Variants in FRMD3 observed in about 807,000 individuals in gnomAD.
FRMD3 encodes the protein FERM domain-containing protein 3.
A neutral mutation model predicts 70.2 loss-of-function variants in FRMD3; 33 were observed. The ratio of observed to expected loss-of-function variants is 0.47; its 90% confidence interval spans 0.36 to 0.63. The LOEUF (loss-of-function observed/expected upper bound fraction) is 0.63, where lower values mean the gene tolerates loss of function less well. FRMD3 is among the 20% of genes least tolerant of loss of function. The probability of loss-of-function intolerance (pLI) is 0.00; values close to 1 mark genes in which losing one functional copy is unlikely to be tolerated. For synonymous variants in FRMD3, 279 were observed against 255.9 expected (o/e 1.09, Z -0.86); for missense variants, 632 against 711.4 (o/e 0.89, Z 1.27).
chr9:83,446,987 GTTTT>G (rs1453301942), intron 1 of FRMD3, among the ~76,000 whole-genome samples: 115 of 139,176 alleles, frequency 8.3e-4, no homozygotes, highest in African/African-American at 3.1e-3. Context: ...GCAGATCAGG[GTTTT>G]TGTTTTGTTT....
intron 13 of FRMD3, among the ~76,000 whole-genome samples, chr9:83,273,886 G>T (rs1272376032): frequency 6.6e-6 from 1 of 152,120 alleles, no homozygotes; most frequent in African/African-American, 2.4e-5. Context: ...CCCATCCATA[G>T]CTCACTGCAG....
chr9:83,274,936 G>T (rs1035768282), intron 13 of FRMD3, among the ~76,000 whole-genome samples: 1 of 152,236 alleles, frequency 6.6e-6, no homozygotes, highest in Non-Finnish European at 1.5e-5. Flanking sequence ...GACGTGGAGT[G>T]TGGGGAAGGG....
At chr9:83,331,785 C>T in intron 6 of FRMD3, 1 of 693,990 alleles carries the variant, frequency 1.4e-6, no homozygotes, top group Non-Finnish European at 2.6e-6. Flanking sequence ...AGAAAAACAA[C>T]TCTATTAGTC....
intron 13 of FRMD3, among the ~76,000 whole-genome samples, chr9:83,264,809 G>GA (rs1177923721): frequency 6.6e-6 from 1 of 151,196 alleles, no homozygotes; most frequent in Admixed American, 6.6e-5. Context: ...ACCAATTGTG[G>GA]GGGGAGGGGG....
intron 1 of FRMD3, among the ~76,000 whole-genome samples, chr9:83,490,369 A>G (rs1828789188): frequency 6.6e-6 from 1 of 151,808 alleles, no homozygotes; most frequent in African/African-American, 2.4e-5. Context: ...GCTCATTGAA[A>G]CCTCTGCCTT....
chr9:83,515,867 T>G (rs1829443382), intron 1 of FRMD3, among the ~76,000 whole-genome samples: 1 of 152,124 alleles, frequency 6.6e-6, no homozygotes, highest in African/African-American at 2.4e-5. Context: ...CCAGCCAAAC[T>G]AAGCTTCATT....
chr9:83,289,523 G>A lies in FRMD3; in HGVS notation c.1195+1080C>T, dbSNP rs118069602. 2.3e-3 allele frequency among the ~76,000 whole-genome samples: 354 copies of A among 152,258 alleles called. 2 individuals carry two copies. The highest frequency in any genetic ancestry group is 0.014 in the East Asian group (75 of 5,176). The stretch of plus-strand genomic sequence containing the variant: ...TTACTAGAATTTTTTATGTGTCACT[G>A]CAAATTGGTTGCTGCTACCTATCTC... On this transcript the variant is annotated intron_variant, in intron 13 of 13. Coordinates refer to ENST00000304195, the MANE Select transcript of FRMD3 (RefSeq NM_174938.6).
intron 1 of FRMD3, among the ~76,000 whole-genome samples, chr9:83,395,275 TAAAA>T (rs11322008): frequency 1.4e-5 from 2 of 142,362 alleles, no homozygotes; most frequent in Non-Finnish European, 3.0e-5. Context: ...TCTATAGATT[TAAAA>T]AAAAAAAAAA....
At chr9:83,541,213 A>G (rs1435461153), upstream of FRMD3, among the ~76,000 whole-genome samples, 2 of 152,232 alleles carry the variant, frequency 1.3e-5, no homozygotes, top group Non-Finnish European at 2.9e-5. Flanking sequence ...TAGGAGACCA[A>G]CTATAAAGTC....
chr9:83,440,207 A>G (rs1338166503), intron 1 of FRMD3, among the ~76,000 whole-genome samples: 1 of 152,252 alleles, frequency 6.6e-6, no homozygotes, highest in East Asian at 1.9e-4. Flanking sequence ...CACTTCACCT[A>G]TACTCTAATT....
intron 1 of FRMD3, among the ~76,000 whole-genome samples, chr9:83,428,204 C>T (rs1259064404): frequency 6.6e-6 from 1 of 151,948 alleles, no homozygotes; most frequent in African/African-American, 2.4e-5. Context: ...TAGTGAAACC[C>T]CATCTGTACT....
At chr9:83,336,101 C>A (rs1823568705) in intron 5 of FRMD3, among the ~76,000 whole-genome samples, 1 of 152,040 alleles carries the variant, frequency 6.6e-6, no homozygotes. Flanking sequence ...AGAAGGAATA[C>A]ATTCAAGAGA....
the FRMD3 span, among the ~76,000 whole-genome samples, chr9:83,583,607 T>G: frequency 1.3e-5 from 2 of 152,124 alleles, no homozygotes; most frequent in Non-Finnish European, 2.9e-5. Flanking sequence ...ATACAATCCC[T>G]TGTTGAAAAA....
At position 83,352,867 on chromosome 9, in the gene FRMD3, T is replaced by C. The variant is rs138650306; in HGVS notation, c.296-3110A>G. ...TACAATAGGCCCACAGTCTTAATTC[T>C]TTTCATATCTGCTGTTGCTGAGTCA... On this transcript the variant is annotated intron_variant, in intron 3 of 13. Transcript: ENST00000304195. Among the ~76,000 whole-genome samples the C allele has an allele frequency of 9.1e-3, 1,385 of 152,270 alleles. 28 individuals carry two copies. The highest frequency in any genetic ancestry group is 0.032 in the African/African-American group (1,329 of 41,550).
At chr9:83,380,983 C>A (rs2131277851) in intron 2 of FRMD3, among the ~76,000 whole-genome samples, 1 of 152,276 alleles carries the variant, frequency 6.6e-6, no homozygotes, top group Non-Finnish European at 1.5e-5. Context: ...CTAGACAAAG[C>A]CCCAGAGTAA....
Position 83,498,043 on chromosome 9 carries a change from G to T in FRMD3, c.147+40042C>A, listed in dbSNP as rs193154896. ...GGCACCTGTAATCCCAGCTCCTTGG[G>T]AGGCTGAGACAGGAGAATCGCTTGA... On this transcript the variant is annotated intron_variant, in intron 1 of 13. Coordinates refer to ENST00000304195, the MANE Select transcript of FRMD3 (RefSeq NM_174938.6). 3.8e-3 allele frequency among the ~76,000 whole-genome samples: 583 copies of T among 152,278 alleles called. 5 individuals carry two copies. The highest frequency in any genetic ancestry group is 0.013 in the African/African-American group (553 of 41,550).
chr9:83,359,780 C>T (rs758457223), intron 3 of FRMD3, among the ~76,000 whole-genome samples: 15 of 152,118 alleles, frequency 9.9e-5, no homozygotes, highest in Non-Finnish European at 1.8e-4. Flanking sequence ...GTGTGGCCTG[C>T]GACCCGTCGT....
At chr9:83,261,672 C>T (rs948383385) in intron 13 of FRMD3, among the ~76,000 whole-genome samples, 1 of 152,156 alleles carries the variant, frequency 6.6e-6, no homozygotes, top group Non-Finnish European at 1.5e-5. Flanking sequence ...CCTGGTACTA[C>T]AGGTCACCAG....
the FRMD3 span, among the ~76,000 whole-genome samples, chr9:83,566,060 T>C: frequency 1.3e-5 from 2 of 152,058 alleles, no homozygotes; most frequent in Non-Finnish European, 2.9e-5. Context: ...CGGAGTGTAT[T>C]AATCTGTTTT....
Sources: gnomAD v4.1 joint callset for allele counts (sites outside exome capture counted in the v4.1 genomes callset) on GRCh38, gnomAD v4.1.1 for gene constraint, MANE v1.5 for transcripts, NCBI Gene and HGNC (gene_info 2026-07-23, HGNC 2026-07-21) for gene names.